The following CDC25A variants were observed in gnomAD, a reference collection of about 807,000 sequenced individuals.
CDC25A encodes cell division cycle 25A, also known as M-phase inducer phosphatase 1.
Under a neutral mutation model 64.6 loss-of-function variants are expected in CDC25A, and 17 were observed. The ratio of observed to expected loss-of-function variants is 0.26; its 90% CI spans 0.18 to 0.39. CDC25A has a LOEUF of 0.39. Ranked by LOEUF, CDC25A falls within the 10% of genes least tolerant of loss-of-function variation. The pLI is 1.00. For synonymous variants in CDC25A, 229 were observed against 238.6 expected, an observed-to-expected ratio of 0.96 and a Z score of 0.37; for missense variants, 473 against 654.8, an observed-to-expected ratio of 0.72 and a Z score of 3.03.
rs1383391066 is a variant in CDC25A, at chr3:48,184,673, C to G, written c.270G>C (p.Gly90=). Residue 90 remains glycine (G), a synonymous_variant, in exon 3 of 15, where the codon GGG becomes GGC. Transcript: ENST00000302506. ...TDSGFCLDSP[G]PLDSKENLEN... is the part of the protein sequence containing the mutation. ...CATACTTTTCTTTACTGTCCAATGG[C>G]CCAGGAGAATCTAGACAGAAACCTA... is the stretch of plus-strand genomic sequence containing the variant. 9 of 1,592,182 alleles carry G rather than the reference C, an allele frequency of 5.7e-6. No homozygotes were observed. Among genetic ancestry groups the G allele is most frequent in the Non-Finnish European group, 7.7e-6 (9 of 1,172,478 alleles).
chr3:48,174,293 C>A lies in CDC25A; in HGVS notation c.921G>T (p.Lys307Asn). The change falls in exon 9 of 15, where the codon AAG becomes AAT. Residue 307 changes from lysine to asparagine, a missense_variant. By Grantham distance (94) the Lys-to-Asn change is moderately conservative. Transcript: ENST00000302506. Reference sequence around the variant, plus strand: ...AACCTAGGAAACTAACCTCATGGGCCTTCTCTGGATTAGTTGACTCTTTGG... The same window carrying A: ...AACCTAGGAAACTAACCTCATGGGCATTCTCTGGATTAGTTGACTCTTTGG... The part of the protein sequence containing the change: ...ASPKESTNPE[K>N]AHETLHQSLS... The A allele has an allele frequency of 6.2e-7, 1 of 1,611,852 alleles. No homozygotes were observed. Among genetic ancestry groups the A allele is most frequent in the East Asian group, 2.2e-5 (1 of 44,884 alleles).
At chr3:48,186,825 T>A in intron 1 of CDC25A, 46 bp from the exon 2 acceptor site, 3 of 1,308,222 alleles carry the variant, frequency 2.3e-6, no homozygotes, top group African/African-American at 1.5e-5. Flanking sequence ...AGGATATAAT[T>A]AAAAGGTCAC....
intron 3 of CDC25A, among the ~76,000 whole-genome samples, chr3:48,184,132 G>A (rs1361216001): frequency 6.6e-6 from 1 of 152,102 alleles, no homozygotes; most frequent in Admixed American, 6.6e-5. Flanking sequence ...AGGCCGAGGA[G>A]GGTATATCAC....
chr3:48,183,744 G>C, intron 4 of CDC25A, 56 bp downstream of exon 4: 8 of 1,094,652 alleles, frequency 7.3e-6, no homozygotes, highest in Non-Finnish European at 1.1e-5. Flanking sequence ...GGTCATGCTG[G>C]TAGCTAAGGA....
chr3:48,162,149 T>C (rs1293513715), intron 13 of CDC25A, among the ~76,000 whole-genome samples: 1 of 152,196 alleles, frequency 6.6e-6, no homozygotes, highest in Non-Finnish European at 1.5e-5. Context: ...ACTTATGAGA[T>C]GACAGTCAAA....
At chr3:48,161,024 G>A (rs2031735996) in intron 13 of CDC25A, among the ~76,000 whole-genome samples, 2 of 151,822 alleles carry the variant, frequency 1.3e-5, no homozygotes, top group South Asian at 4.1e-4. Context: ...GTGGTGGCAG[G>A]TGCCTGTAAT....
chr3:48,175,100 G>A (rs2032407863), intron 8 of CDC25A, among the ~76,000 whole-genome samples: 2 of 152,192 alleles, frequency 1.3e-5, no homozygotes, highest in South Asian at 4.1e-4. Context: ...TTCAATAACA[G>A]CCTGGCCAAC....
intron 9 of CDC25A, among the ~76,000 whole-genome samples, chr3:48,172,555 A>G (rs1419340006): frequency 6.6e-6 from 1 of 152,240 alleles, no homozygotes; most frequent in East Asian, 1.9e-4. Flanking sequence ...ACTTAGGCCC[A>G]GACAACCATG....
chr3:48,187,107 C>T (rs1395387164), intron 1 of CDC25A, among the ~76,000 whole-genome samples: 1 of 152,226 alleles, frequency 6.6e-6, no homozygotes, highest in Non-Finnish European at 1.5e-5. Flanking sequence ...ACACTTTCTG[C>T]TTTTCAGAAG....
chr3:48,179,002 T>C (rs1416008599), intron 6 of CDC25A, among the ~76,000 whole-genome samples: 1 of 152,146 alleles, frequency 6.6e-6, no homozygotes, highest in Non-Finnish European at 1.5e-5. Flanking sequence ...CTCTTTGGGG[T>C]ATGAATCTGT....
chr3:48,176,475 G>GTTTGCC (rs1348680314), intron 8 of CDC25A, among the ~76,000 whole-genome samples: 1 of 147,590 alleles, frequency 6.8e-6, no homozygotes, highest in Non-Finnish European at 1.5e-5. Context: ...TATGCTTTCT[G>GTTTGCC]TTTGAAAGTA....
chr3:48,163,739 T>C lies in CDC25A; in HGVS notation c.1322+568A>G, dbSNP rs934300777. Among the ~76,000 whole-genome samples the C allele has an allele frequency of 2.6e-5, 4 of 152,248 alleles. No individual in the cohort carries two copies. The South Asian group carries it at 8.3e-4, about 31-fold the overall frequency. On this transcript the variant is annotated intron_variant, in intron 13 of 14. Transcript: ENST00000302506. ...CCTAGTTAAGCTGCACTCTCTGTCCTACCTCTCTGCCTGTCCTCCTAGCAT... is the reference window on the plus strand; with the variant it reads ...CCTAGTTAAGCTGCACTCTCTGTCCCACCTCTCTGCCTGTCCTCCTAGCAT...
rs186297643 is a variant in CDC25A, at chr3:48,181,523, G to A, written c.430-683C>T. 2,441 of 1,302,196 alleles carry A rather than the reference G, an allele frequency of 1.9e-3. 8 individuals carry two copies. The Middle Eastern group carries it at 0.028, about 15-fold the overall frequency. The allele number at this position is 1,302,196 out of a possible 1,614,324, so 80.7% of individuals were successfully genotyped here. A position where few individuals can be genotyped will look rare whatever the true frequency, so the allele number is the denominator to read the frequency against. On this transcript the variant is annotated intron_variant, in intron 5 of 14. Transcript: ENST00000302506. ...CCCCGTTGCCCTTGGTCTCGGGGTC[G>A]CGGTCGGCACTGAGGCTGCAGCTAT...
intron 6 of CDC25A, among the ~76,000 whole-genome samples, chr3:48,178,646 C>G (rs1364171978): frequency 6.6e-6 from 1 of 152,102 alleles, no homozygotes; most frequent in Non-Finnish European, 1.5e-5. Flanking sequence ...AAGAGGTTAC[C>G]AAGATTATAC....
At chr3:48,164,934 C>A (rs1488791674) in intron 12 of CDC25A, among the ~76,000 whole-genome samples, 24 of 150,736 alleles carry the variant, frequency 1.6e-4, no homozygotes, top group Non-Finnish European at 2.7e-4. Flanking sequence ...ATGGTGAAAC[C>A]CCGTCTCTAC....
rs1344994486 is a variant in CDC25A at position 48,174,429 on chromosome 3, G to T, written c.785C>A (p.Pro262His). The change falls in exon 9 of 15, where the codon CCT becomes CAT. Residue 262 changes from proline to histidine, a missense_variant. Pro to His is a moderately conservative substitution (Grantham distance 77, BLOSUM62 -2). Transcript: ENST00000302506. ...LDNRCKLFDS[P>H]SLCSSSTRSV... Reference sequence around the variant, plus strand: ...CCGAGTGCTGGAGCTACACAGGGAAGGGGAGTCAAACAGCTTGCATCGGTT... The same window carrying T: ...CCGAGTGCTGGAGCTACACAGGGAATGGGAGTCAAACAGCTTGCATCGGTT... The T allele has an allele frequency of 6.2e-7, 1 of 1,612,754 alleles. No individual in the cohort carries two copies. The highest frequency in any genetic ancestry group is 8.5e-7 in the Non-Finnish European group (1 of 1,179,592).
rs745760078 is a variant in CDC25A, at chr3:48,164,397, A to T, written c.1232T>A (p.Phe411Tyr). The part of the protein sequence containing the change: ...NLHMEEEVED[F>Y]LLKKPIVPTD... The stretch of plus-strand genomic sequence containing the variant: ...AGGTACAATGGGCTTCTTCAATAAG[A>T]AGTCTTCAACCTCTTCTTCCATGTG... The change falls in exon 13 of 15, where the codon TTC (phenylalanine) becomes TAC (tyrosine). Residue 411 changes from phenylalanine to tyrosine, a missense_variant. Coordinates refer to ENST00000302506, the MANE Select transcript of CDC25A (RefSeq NM_001789.3). 1 of 1,601,424 alleles carries T rather than the reference A, an allele frequency of 6.2e-7. No individual in the cohort carries two copies. The highest frequency in any genetic ancestry group is 8.5e-7 in the Non-Finnish European group (1 of 1,175,392).
intron 7 of CDC25A, 82 bp from the exon 8 acceptor site, chr3:48,177,524 G>A (rs553916038): frequency 2.9e-6 from 3 of 1,037,220 alleles, no homozygotes; most frequent in East Asian, 4.8e-5. Context: ...GTTTCTCCCT[G>A]AACAATACCA....
At chr3:48,180,203 G>T (rs2032610889) in intron 6 of CDC25A, 1 of 152,288 alleles carries the variant, frequency 6.6e-6, no homozygotes, top group Admixed American at 6.5e-5. Flanking sequence ...ATAGGCATGA[G>T]CCATGGCACC....
Sources: allele counts gnomAD v4.1 joint callset (sites outside exome capture counted in the v4.1 genomes callset), GRCh38; gene constraint gnomAD v4.1.1; transcripts MANE v1.5; gene names NCBI Gene and HGNC (gene_info 2026-07-23, HGNC 2026-07-21).